The following CDH13 variants were observed in gnomAD, a reference collection of about 807,000 sequenced individuals.
The protein encoded by CDH13 is cadherin-13.
In CDH13, 24 loss-of-function variants were observed where a neutral mutation model predicts 63.8. That is an observed-to-expected ratio of 0.38 (90% CI 0.27 to 0.53). The LOEUF (loss-of-function observed/expected upper bound fraction) is 0.53, where lower values mean the gene tolerates loss of function less well. Ranked by LOEUF, CDH13 falls within the 20% of genes least tolerant of loss-of-function variation. The pLI, the probability that CDH13 is intolerant of heterozygous loss-of-function variation, is 0.85. For synonymous variants in CDH13, 503 were observed against 355.3 expected (o/e 1.42, Z -4.67); for missense variants, 1,049 against 903.1 (o/e 1.16, Z -2.07).
chr16:82,670,495 G>T (rs976981636), intron 1 of CDH13, among the ~76,000 whole-genome samples: 2 of 152,182 alleles, frequency 1.3e-5, no homozygotes, highest in Admixed American at 6.5e-5. Flanking sequence ...GGAAGTGTGG[G>T]TTTATGGGTA....
chr16:83,230,960 C>T (rs921223800), intron 5 of CDH13, among the ~76,000 whole-genome samples: 8 of 152,156 alleles, frequency 5.3e-5, no homozygotes, highest in African/African-American at 1.4e-4. Context: ...GAGACATCCT[C>T]GAAATACCAT....
At chr16:83,419,549 T>C (rs2071653203) in intron 6 of CDH13, among the ~76,000 whole-genome samples, 1 of 152,202 alleles carries the variant, frequency 6.6e-6, no homozygotes, top group Non-Finnish European at 1.5e-5. Context: ...ACAATTGCCA[T>C]GCTCTACCAG....
chr16:83,145,675 C>G (rs1271085832), intron 4 of CDH13, among the ~76,000 whole-genome samples: 2 of 152,184 alleles, frequency 1.3e-5, no homozygotes, highest in African/African-American at 4.8e-5. Flanking sequence ...ACCTCTGATT[C>G]ATGCTAGGCT....
chr16:82,954,519 G>A (rs1203746527), intron 2 of CDH13: 2 of 152,116 alleles, frequency 1.3e-5, no homozygotes, highest in African/African-American at 4.8e-5. Flanking sequence ...GTGATGGTGT[G>A]CTCTTCCAAA....
Position 83,643,283 on chromosome 16 carries a change from TAAAAAAAAAAAA to T in CDH13, c.1102-27500_1102-27489del. Reference sequence around the variant, plus strand: ...ATGTACCCTATAACTTAGAGTATAATAAAAAAAAAAAAAAAAAAGAAAAAAAAAATTTAACAG... The same window carrying T: ...ATGTACCCTATAACTTAGAGTATAATAAAAAAGAAAAAAAAAATTTAACAG... On this transcript the variant is annotated intron_variant, in intron 8 of 13. Coordinates refer to ENST00000567109, the MANE Select transcript of CDH13 (RefSeq NM_001257.5). Among the ~76,000 whole-genome samples the T allele has an allele frequency of 2.1e-5, 2 of 93,880 alleles. 1 individual carries two copies. Among genetic ancestry groups the T allele is most frequent in the East Asian group, 6.4e-4 (2 of 3,104 alleles). 61.6% of individuals were successfully genotyped at this position (93,880 alleles called of 152,430 possible).
chr16:83,272,234 T>G (rs75672895), intron 5 of CDH13, among the ~76,000 whole-genome samples: 2 of 152,178 alleles, frequency 1.3e-5, no homozygotes, highest in Non-Finnish European at 2.9e-5. Context: ...TTAAAAATTG[T>G]GCAAGTGCAT....
At position 83,670,989 on chromosome 16, in the gene CDH13, T is replaced by G; in HGVS notation, c.1284+17T>G. 2 of 1,567,370 alleles carry G rather than the reference T, an allele frequency of 1.3e-6. No homozygotes were observed. Among genetic ancestry groups the G allele is most frequent in the Non-Finnish European group, 1.7e-6 (2 of 1,154,360 alleles). On this transcript the variant is annotated intron_variant, in intron 9 of 13. Transcript: ENST00000567109. Reference sequence around the variant, plus strand: ...GTTGTCAAAGTAAGGGTGCTTCCAATTGCCTCTTTCTCCTCATGCGAGCAC... The same window carrying G: ...GTTGTCAAAGTAAGGGTGCTTCCAAGTGCCTCTTTCTCCTCATGCGAGCAC...
chr16:83,270,932 C>G (rs1486310752), intron 5 of CDH13, among the ~76,000 whole-genome samples: 3 of 132,836 alleles, frequency 2.3e-5, no homozygotes, highest in African/African-American at 8.3e-5. Context: ...CCTTTCCTTT[C>G]TCTTTCCCTT....
chr16:83,694,234 C>T (rs2150896744), intron 10 of CDH13, among the ~76,000 whole-genome samples: 1 of 152,306 alleles, frequency 6.6e-6, no homozygotes, highest in East Asian at 1.9e-4. Flanking sequence ...GTTAGGCTTC[C>T]CATGCAATGA....
intron 3 of CDH13, among the ~76,000 whole-genome samples, chr16:83,057,764 C>A (rs2031096215): frequency 6.6e-6 from 1 of 152,098 alleles, no homozygotes; most frequent in African/African-American, 2.4e-5. Context: ...AAGATAAGAT[C>A]ACCTCCCACT....
At chr16:83,208,201 G>C (rs376476004) in intron 4 of CDH13, among the ~76,000 whole-genome samples, 2 of 152,280 alleles carry the variant, frequency 1.3e-5, no homozygotes, top group African/African-American at 4.8e-5. Context: ...TTCTTCACCA[G>C]GGTATGGGGA....
intron 2 of CDH13, among the ~76,000 whole-genome samples, chr16:82,880,167 C>G (rs774934403): frequency 1.3e-5 from 2 of 151,942 alleles, no homozygotes; most frequent in African/African-American, 2.4e-5. Flanking sequence ...ATTTCAGTCT[C>G]TTTGTATCGC....
intron 3 of CDH13, among the ~76,000 whole-genome samples, chr16:83,101,448 G>C (rs1312397032): frequency 6.8e-6 from 1 of 147,898 alleles, no homozygotes; most frequent in Non-Finnish European, 1.5e-5. Flanking sequence ...AAAAAAAAAA[G>C]AGTAAAATAA....
At chr16:82,911,726 G>GC (rs2041837114) in intron 2 of CDH13, among the ~76,000 whole-genome samples, 1 of 151,982 alleles carries the variant, frequency 6.6e-6, no homozygotes, top group Admixed American at 6.6e-5. Context: ...TTCCCTTACG[G>GC]CCCCTTACTC....
chr16:83,690,458 C>A (rs1009697427), intron 10 of CDH13, among the ~76,000 whole-genome samples: 2 of 152,006 alleles, frequency 1.3e-5, no homozygotes, highest in Non-Finnish European at 2.9e-5. Flanking sequence ...GGGAAGGCCC[C>A]GAGGCAGAGT....
At chr16:82,923,411 G>C (rs1379668764) in intron 2 of CDH13, among the ~76,000 whole-genome samples, 2 of 152,192 alleles carry the variant, frequency 1.3e-5, no homozygotes, top group South Asian at 2.1e-4. Context: ...TAAGACTTTA[G>C]AGAGGAATAA....
intron 4 of CDH13, among the ~76,000 whole-genome samples, chr16:83,165,083 G>GAA (rs397774378): frequency 7.3e-4 from 93 of 127,392 alleles, no homozygotes; most frequent in Middle Eastern, 4.0e-3. Flanking sequence ...AGAAGCAGGA[G>GAA]AAAAAAAAAA....
chr16:83,534,038 A>T (rs2075136653), intron 7 of CDH13, among the ~76,000 whole-genome samples: 1 of 152,170 alleles, frequency 6.6e-6, no homozygotes, highest in African/African-American at 2.4e-5. Context: ...CATTTAGTGG[A>T]TGGACAGTGT....
chr16:82,735,943 C>T (rs2033650288), intron 1 of CDH13, among the ~76,000 whole-genome samples: 1 of 152,232 alleles, frequency 6.6e-6, no homozygotes, highest in African/African-American at 2.4e-5. Context: ...ACGCTATACT[C>T]ACTAGGCTGA....
Sources: gnomAD v4.1 joint callset for allele counts (sites outside exome capture counted in the v4.1 genomes callset) on GRCh38, gnomAD v4.1.1 for gene constraint, MANE v1.5 for transcripts, NCBI Gene and HGNC (gene_info 2026-07-23, HGNC 2026-07-21) for gene names.